MNDA: variants seen among roughly 807,000 people sequenced by gnomAD.
MNDA encodes myeloid cell nuclear differentiation antigen.
A neutral mutation model predicts 37.8 loss-of-function variants in MNDA; 43 were observed. That is an observed-to-expected ratio of 1.14 (90% CI 0.89 to 1.47). The LOEUF (loss-of-function observed/expected upper bound fraction) is 1.47, where lower values mean the gene tolerates loss of function less well. Among genes scored for constraint, MNDA ranks in the 40% most tolerant of loss-of-function variants. MNDA has a pLI of 0.00. For synonymous variants in MNDA, 181 were observed against 169.0 expected (o/e 1.07, Z -0.55); for missense variants, 536 against 476.0 (o/e 1.13, Z -1.17).
At position 158,845,663 on chromosome 1, in the gene MNDA, T is replaced by A. The variant is rs751749068; in HGVS notation, c.647T>A (p.Val216Glu). ...CAAAACGACCCAGTGACAGTGGTGGTACTGAAAGCAACAGCGCCATTTAAA... is the reference window on the plus strand; with the variant it reads ...CAAAACGACCCAGTGACAGTGGTGGAACTGAAAGCAACAGCGCCATTTAAA... ...VPQNDPVTVV[V>E]LKATAPFKYE... is the part of the protein sequence containing the mutation. The change falls in exon 5 of 7, where the codon GTA becomes GAA. Residue 216 changes from valine (V) to glutamate (E), a missense_variant. By Grantham distance (121) the Val-to-Glu change is moderately radical (BLOSUM62 -2). Transcript: ENST00000368141. 6.2e-7 allele frequency: 1 copy of A among 1,613,966 alleles called. No individual in the cohort carries two copies. Among genetic ancestry groups the A allele is most frequent in the Non-Finnish European group, 8.5e-7 (1 of 1,179,988 alleles).
intron 2 of MNDA, 105 bp from the exon 3 acceptor site, chr1:158,843,174 T>G: frequency 7.0e-7 from 1 of 1,418,788 alleles, no homozygotes. Context: ...AAATCCGAAC[T>G]CTCATGCAGG....
In MNDA at chr1:158,837,822, GA is replaced by G. The variant is rs1490879811; in HGVS notation, c.-20-4311del. 1.8e-4 allele frequency among the ~76,000 whole-genome samples: 27 copies of G among 147,178 alleles called. No individual in the cohort carries two copies. In the East Asian group the frequency reaches 4.8e-3, roughly 26 times the overall value. ...TGTCTCTTAGTGACTTCTTTTTGTT[GA>G]TTTTTTTCTGTAGTGAAACATTTTT... On this transcript the variant is annotated intron_variant, in intron 1 of 6. Coordinates refer to ENST00000368141, the MANE Select transcript of MNDA (RefSeq NM_002432.3).
chr1:158,847,746 AAC>A lies in MNDA; in HGVS notation c.1010_1011del (p.Thr337AsnfsTer3), dbSNP rs765824695. 6.2e-7 allele frequency: 1 copy of A among 1,612,860 alleles called. No individual in the cohort carries two copies. The highest frequency in any genetic ancestry group is 8.5e-7 in the Non-Finnish European group (1 of 1,179,434). On this transcript the variant is annotated frameshift_variant, in exon 6 of 7. Coordinates refer to ENST00000368141, the MANE Select transcript of MNDA (RefSeq NM_002432.3). LOFTEE classifies it high-confidence loss of function. Reference protein sequence around the residue: ...MLQKKSVHKKNTIYEIQDNTG... With the variant: ...MLQKKSVHKKXTIYEIQDNTG... The stretch of plus-strand genomic sequence containing the variant: ...TTTGCAGAAAAGCGTACACAAGAAG[AAC>A]ACAATTTATGAAATACAGGATAATA...
At chr1:158,839,566 G>GT (rs1246269625) in intron 1 of MNDA, among the ~76,000 whole-genome samples, 1 of 152,188 alleles carries the variant, frequency 6.6e-6, no homozygotes. Flanking sequence ...ATGTGAAGCA[G>GT]TTACTAGTCC....
At chr1:158,842,051 G>C in intron 1 of MNDA, 83 bp from the exon 2 acceptor site, 1 of 1,263,156 alleles carries the variant, frequency 7.9e-7, no homozygotes, top group Non-Finnish European at 1.1e-6. Flanking sequence ...TTTGGCCTGG[G>C]ACACTCACTC....
intron 1 of MNDA, among the ~76,000 whole-genome samples, chr1:158,840,912 C>T (rs927378630): frequency 6.6e-6 from 1 of 152,102 alleles, no homozygotes; most frequent in Admixed American, 6.5e-5. Context: ...AGAATTTGGA[C>T]ACTCTAATTA....
intron 1 of MNDA, among the ~76,000 whole-genome samples, chr1:158,831,832 T>C (rs747073526): frequency 6.6e-6 from 1 of 152,174 alleles, no homozygotes; most frequent in African/African-American, 2.4e-5. Flanking sequence ...TTAGAGGAGA[T>C]ACTTGGTTTT....
Position 158,847,874 on chromosome 1 carries a change from C to T in MNDA, c.1134C>T (p.Asp378=). 7.4e-6 allele frequency: 12 copies of T among 1,613,912 alleles called. No individual in the cohort carries two copies. The highest frequency in any genetic ancestry group is 1.1e-5 in the South Asian group (1 of 91,070). ...RLFCLQLRTV[D]RKLKLVCGSH... ...TCTGCCTTCAACTGAGAACAGTTGA[C>T]CGCAAGCTGAAACTGGTGTGTGGAA... Residue 378 remains aspartate (D), a synonymous_variant, in exon 6 of 7, where the codon GAC becomes GAT. Coordinates refer to ENST00000368141, the MANE Select transcript of MNDA (RefSeq NM_002432.3).
Position 158,847,813 on chromosome 1 carries a change from A to G in MNDA, c.1073A>G (p.Asn358Ser). 1.9e-6 allele frequency: 3 copies of G among 1,614,110 alleles called. No homozygotes were observed. The highest frequency in any genetic ancestry group is 2.5e-6 in the Non-Finnish European group (3 of 1,179,946). ...MDVVGSGKWH[N>S]IKCEKGDKLR... is the part of the protein sequence containing the mutation. ...GTAGTGGGGAGTGGAAAATGGCACA[A>G]TATCAAGTGTGAGAAAGGAGATAAA... is the stretch of plus-strand genomic sequence containing the variant. Residue 358 changes from asparagine to serine, a missense_variant, in exon 6 of 7, where the codon AAT (asparagine) becomes AGT (serine). Coordinates refer to ENST00000368141, the MANE Select transcript of MNDA (RefSeq NM_002432.3).
intron 1 of MNDA, among the ~76,000 whole-genome samples, chr1:158,836,130 C>T (rs960550520): frequency 7.2e-6 from 1 of 139,734 alleles, no homozygotes; most frequent in Admixed American, 8.0e-5. Flanking sequence ...ATTATGTTCG[C>T]TAGCATTTTG....
intron 1 of MNDA, among the ~76,000 whole-genome samples, chr1:158,835,266 C>T (rs904966876): frequency 6.6e-5 from 10 of 152,142 alleles, no homozygotes; most frequent in African/African-American, 2.4e-4. Context: ...CAGATGCCTT[C>T]CCATGTACAT....
At chr1:158,840,993 T>C (rs1659020115) in intron 1 of MNDA, among the ~76,000 whole-genome samples, 1 of 152,132 alleles carries the variant, frequency 6.6e-6, no homozygotes, top group Admixed American at 6.5e-5. Context: ...AAAATTGGAA[T>C]ATACGTTAGG....
Position 158,849,297 on chromosome 1 carries a change from CTG to C in MNDA, c.*63_*64del. ...CTTAAAACAATTAAGTTGTTAATAA[CTG>C]TGATTTTGTAAATTTCAGTAATTCA... is the stretch of plus-strand genomic sequence containing the variant. On this transcript the variant is annotated 3_prime_UTR_variant, in exon 7 of 7. Coordinates refer to ENST00000368141, the MANE Select transcript of MNDA (RefSeq NM_002432.3). 1.4e-6 allele frequency: 2 copies of C among 1,465,008 alleles called. No homozygotes were observed. The highest frequency in any genetic ancestry group is 1.9e-6 in the Non-Finnish European group (2 of 1,053,340). 90.8% of individuals were successfully genotyped at this position (1,465,008 alleles called of 1,614,324 possible).
chr1:158,834,554 C>T lies in MNDA; in HGVS notation c.-21+2997C>T, dbSNP rs562017360. ...AATATATAAAGTGTGAATATTTTCT[C>T]TCATTCTCTAGGTTCCCTTTTTTAC... On this transcript the variant is annotated intron_variant, in intron 1 of 6. Transcript: ENST00000368141. Among the ~76,000 whole-genome samples, 5 of 152,180 alleles carry T rather than the reference C, an allele frequency of 3.3e-5. 1 individual carries two copies. The highest frequency in any genetic ancestry group is 3.3e-4 in the Admixed American group (5 of 15,284).
chr1:158,847,883 G>GA lies in MNDA; in HGVS notation c.1146dup (p.Leu383ThrfsTer25). The GA allele has an allele frequency of 6.2e-7, 1 of 1,613,976 alleles. No homozygotes were observed. Among genetic ancestry groups the GA allele is most frequent in the Non-Finnish European group, 8.5e-7 (1 of 1,179,886 alleles). ...AACTGAGAACAGTTGACCGCAAGCT[G>GA]AAACTGGTGTGTGGAAGTCACAGCT... is the stretch of plus-strand genomic sequence containing the variant. On this transcript the variant is annotated frameshift_variant, in exon 6 of 7. Coordinates refer to ENST00000368141, the MANE Select transcript of MNDA (RefSeq NM_002432.3). LOFTEE classifies it low-confidence loss of function (END_TRUNC).
At chr1:158,836,683 T>TA (rs780055519) in intron 1 of MNDA, among the ~76,000 whole-genome samples, 25 of 151,770 alleles carry the variant, frequency 1.6e-4, no homozygotes, top group Non-Finnish European at 3.5e-4. Context: ...CTCTTTTTTT[T>TA]ATTGATTTTC....
rs1196161846 is a variant in MNDA, at chr1:158,847,785, G to A, written c.1045G>A (p.Asp349Asn). 4 of 1,613,884 alleles carry A rather than the reference G, an allele frequency of 2.5e-6. No individual in the cohort carries two copies. Among genetic ancestry groups the A allele is most frequent in the South Asian group, 2.2e-5 (2 of 91,078 alleles). ...YEIQDNTGSMDVVGSGKWHNI... is the reference protein window; with the variant it reads ...YEIQDNTGSMNVVGSGKWHNI... ...AATACAGGATAATACAGGATCCATG[G>A]ATGTAGTGGGGAGTGGAAAATGGCA... Residue 349 changes from aspartate (D) to asparagine (N), a missense_variant, in exon 6 of 7, where the codon GAT becomes AAT. By Grantham distance (23) the Asp-to-Asn change is conservative (BLOSUM62 1). Transcript: ENST00000368141.
At chr1:158,837,418 A>G (rs978980910) in intron 1 of MNDA, among the ~76,000 whole-genome samples, 1 of 151,806 alleles carries the variant, frequency 6.6e-6, no homozygotes, top group African/African-American at 2.4e-5. Flanking sequence ...TAATTGTCAT[A>G]TCTTCTAGGT....
chr1:158,846,058 T>A, intron 5 of MNDA, 55 bp downstream of exon 5: 5 of 1,461,326 alleles, frequency 3.4e-6, no homozygotes, highest in Non-Finnish European at 3.7e-6. Flanking sequence ...AATAAATGTC[T>A]TAATTTGCCA....
Sources: allele counts gnomAD v4.1 joint callset (sites outside exome capture counted in the v4.1 genomes callset), GRCh38; gene constraint gnomAD v4.1.1; transcripts MANE v1.5; gene names NCBI Gene and HGNC (gene_info 2026-07-23, HGNC 2026-07-21).